RASGRP3: variants seen among roughly 807,000 people sequenced by gnomAD.
RASGRP3 encodes ras guanyl-releasing protein 3.
RASGRP3 carries 54 observed loss-of-function variants against 82.7 expected under a neutral mutation model. The ratio of observed to expected loss-of-function variants is 0.65; its 90% CI spans 0.52 to 0.82. The LOEUF (loss-of-function observed/expected upper bound fraction) is 0.82. RASGRP3 is among the 40% of genes least tolerant of loss of function. RASGRP3 has a pLI of 0.00. For synonymous variants in RASGRP3, 309 were observed against 300.5 expected (o/e 1.03, Z -0.29); for missense variants, 861 against 828.9 (o/e 1.04, Z -0.48).
At chr2:33,478,607 A>G (rs1667591714) in intron 1 of RASGRP3, among the ~76,000 whole-genome samples, 1 of 152,220 alleles carries the variant, frequency 6.6e-6, no homozygotes, top group South Asian at 2.1e-4. Context: ...GCCTTTTCAA[A>G]ATATTAATAG....
intron 2 of RASGRP3, among the ~76,000 whole-genome samples, chr2:33,514,289 TA>T (rs1027333969): frequency 6.6e-6 from 1 of 152,054 alleles, no homozygotes; most frequent in Non-Finnish European, 1.5e-5. Context: ...TATTTGCTTC[TA>T]AAAATTTTTT....
intron 1 of RASGRP3, among the ~76,000 whole-genome samples, chr2:33,494,593 G>A (rs909139444): frequency 6.6e-6 from 1 of 152,182 alleles, no homozygotes; most frequent in African/African-American, 2.4e-5. Flanking sequence ...AAGTGGGAGA[G>A]AGTGAAACTA....
intron 14 of RASGRP3, among the ~76,000 whole-genome samples, chr2:33,550,285 T>C (rs1253963791): frequency 2.0e-5 from 3 of 152,202 alleles, no homozygotes; most frequent in African/African-American, 7.2e-5. Flanking sequence ...CTAATCCTCA[T>C]AGCAAGCCCT....
At chr2:33,469,634 T>C (rs1666938685) in intron 2 of RASGRP3, among the ~76,000 whole-genome samples, 1 of 152,038 alleles carries the variant, frequency 6.6e-6, no homozygotes, top group East Asian at 1.9e-4. Context: ...TAATTTTTTA[T>C]ATTTTTGGTA....
chr2:33,478,707 C>CGATTTAACTCTTTCGTAT (rs1667603508), intron 1 of RASGRP3, among the ~76,000 whole-genome samples: 1 of 152,160 alleles, frequency 6.6e-6, no homozygotes, highest in Non-Finnish European at 1.5e-5. Context: ...ATAGAATGTG[C>CGATTTAACTCTTTCGTAT]GATTTAACTC....
chr2:33,478,109 G>T (rs1193206624), intron 1 of RASGRP3, among the ~76,000 whole-genome samples: 1 of 152,116 alleles, frequency 6.6e-6, no homozygotes, highest in Non-Finnish European at 1.5e-5. Context: ...TTCTGCGATC[G>T]AGTTTCCCTC....
In RASGRP3 at chr2:33,442,947, A is replaced by G. The variant is rs180751611; in HGVS notation, c.-384-4873A>G. 5.3e-3 allele frequency among the ~76,000 whole-genome samples: 803 copies of G among 151,120 alleles called. 4 individuals are homozygous for G. Among genetic ancestry groups the G allele is most frequent in the Non-Finnish European group, 9.2e-3 (623 of 67,910 alleles). On this transcript the variant is annotated intron_variant, in intron 1 of 18. Coordinates refer to the RASGRP3 transcript ENST00000402538. ...TCTTTGCTGGCAGCAATGACTTCCA[A>G]TGTGTTTTTAATTCAGTAATCCGGT...
At chr2:33,460,516 ATTT>A (rs746782383) in intron 2 of RASGRP3, among the ~76,000 whole-genome samples, 4 of 140,650 alleles carry the variant, frequency 2.8e-5, no homozygotes, top group Non-Finnish European at 4.7e-5. Context: ...TTTAGATATA[ATTT>A]TTTTTTTTTT....
chr2:33,560,598 CAAG>C (rs1558532371), intron 17 of RASGRP3, among the ~76,000 whole-genome samples: 1 of 152,198 alleles, frequency 6.6e-6, no homozygotes, highest in Admixed American at 6.5e-5. Context: ...AATCATTGTG[CAAG>C]AAGATTTTCT....
At chr2:33,522,927 C>G (rs372695222) in intron 7 of RASGRP3, among the ~76,000 whole-genome samples, 1 of 152,178 alleles carries the variant, frequency 6.6e-6, no homozygotes, top group Non-Finnish European at 1.5e-5. Context: ...ATGGGAGTCC[C>G]CTGCACAGTT....
At chr2:33,457,520 T>C (rs1666103683) in intron 2 of RASGRP3, among the ~76,000 whole-genome samples, 1 of 152,230 alleles carries the variant, frequency 6.6e-6, no homozygotes, top group Non-Finnish European at 1.5e-5. Flanking sequence ...TTTGAATGAA[T>C]GCATTAAGAT....
chr2:33,510,709 C>G (rs1363475554), intron 1 of RASGRP3, among the ~76,000 whole-genome samples: 1 of 152,144 alleles, frequency 6.6e-6, no homozygotes, highest in Non-Finnish European at 1.5e-5. Context: ...GATGGATTCA[C>G]TTTATGTGAC....
chr2:33,524,157 CAACTA>C (rs1672300982), intron 8 of RASGRP3, 105 bp downstream of exon 8: 1 of 1,288,566 alleles, frequency 7.8e-7, no homozygotes, highest in Admixed American at 2.2e-5. Context: ...GGGCATCGGA[CAACTA>C]AACTACTCGC....
intron 13 of RASGRP3, among the ~76,000 whole-genome samples, chr2:33,547,428 T>G (rs1674906531): frequency 7.5e-6 from 1 of 132,896 alleles, no homozygotes; most frequent in African/African-American, 2.8e-5. Flanking sequence ...TCAAAGTTAT[T>G]TTGCATAGGA....
intron 1 of RASGRP3, among the ~76,000 whole-genome samples, chr2:33,508,055 G>A (rs553338234): frequency 6.6e-6 from 1 of 152,244 alleles, no homozygotes; most frequent in South Asian, 2.1e-4. Context: ...TTGTCTATGG[G>A]GAATGATCAG....
chr2:33,474,940 A>G (rs868086608), upstream of RASGRP3, among the ~76,000 whole-genome samples: 4 of 152,334 alleles, frequency 2.6e-5, no homozygotes, highest in Middle Eastern at 3.4e-3. Flanking sequence ...GTGGCATGCA[A>G]TGGATCATCA....
intron 13 of RASGRP3, among the ~76,000 whole-genome samples, chr2:33,546,362 G>A (rs1265316449): frequency 1.3e-5 from 2 of 150,976 alleles, no homozygotes; most frequent in Non-Finnish European, 2.9e-5. Context: ...GGCGGAGCTT[G>A]CAGTGAGCCA....
intron 6 of RASGRP3, 137 bp downstream of exon 6, chr2:33,520,821 G>A: frequency 1.7e-6 from 2 of 1,207,694 alleles, no homozygotes; most frequent in Non-Finnish European, 2.3e-6. Context: ...TTGCTGCAGT[G>A]AGCGCAAGCC....
intron 11 of RASGRP3, among the ~76,000 whole-genome samples, chr2:33,535,801 G>C (rs1297660569): frequency 6.6e-6 from 1 of 152,146 alleles, no homozygotes; most frequent in African/African-American, 2.4e-5. Context: ...GAAAGCCAAA[G>C]CTATTGAAAA....
Sources: gnomAD v4.1 joint callset for allele counts (sites outside exome capture counted in the v4.1 genomes callset) on GRCh38, gnomAD v4.1.1 for gene constraint, MANE v1.5 for transcripts, NCBI Gene and HGNC (gene_info 2026-07-23, HGNC 2026-07-21) for gene names.